Variants in UGT1A4 observed in about 807,000 individuals in gnomAD.
UGT1A4 encodes UDP glucuronosyltransferase family 1 member A4, also known as UDP-glucuronosyltransferase 1A4.
UGT1A4 carries 32 observed loss-of-function variants against 41.1 expected under a neutral mutation model. The ratio of observed to expected loss-of-function variants is 0.78; its 90% CI spans 0.59 to 1.05. The LOEUF (loss-of-function observed/expected upper bound fraction) is 1.05, where lower values mean the gene tolerates loss of function less well. Among genes scored for constraint, UGT1A4 ranks in the 50% least tolerant of loss-of-function variants. UGT1A4 has a pLI of 0.00. For synonymous variants in UGT1A4, 283 were observed against 265.1 expected (o/e 1.07, Z -0.66); for missense variants, 748 against 677.4 (o/e 1.10, Z -1.16).
intron 4 of UGT1A4, chr2:233,771,305 T>TC (rs1482676837): frequency 1.3e-5 from 2 of 152,218 alleles, no homozygotes. Context: ...TTCCTCCTCC[T>TC]TTTCCCTCTC....
chr2:233,724,239 G>A, intron 1 of UGT1A4, among the ~76,000 whole-genome samples: 1 of 128,664 alleles, frequency 7.8e-6, no homozygotes, highest in African/African-American at 3.1e-5. Context: ...GGGCGGCCGG[G>A]CAGAGGCGCC....
chr2:233,743,704 C>G, intron 1 of UGT1A4: 2 of 1,367,360 alleles, frequency 1.5e-6, no homozygotes, highest in Non-Finnish European at 2.0e-6. Context: ...CCTCCGCCCC[C>G]GCCTCGCCAT....
rs780981964 is a variant in UGT1A4 at position 233,719,063 on chromosome 2, T to C, written c.243T>C (p.Ala81=). The change falls in exon 1 of 5, where the codon GCT becomes GCC. Residue 81 remains alanine, a synonymous_variant. Transcript: ENST00000373409. ...EEKFFTLTAY[A]VPWTQKEFDR... ...AATTTTTCACCCTGACAGCCTATGC[T>C]GTTCCATGGACCCAGAAGGAATTTG... 1.1e-4 allele frequency: 178 copies of C among 1,614,270 alleles called. No homozygotes were observed. Among genetic ancestry groups the C allele is most frequent in the East Asian group, 3.6e-4 (16 of 44,890 alleles).
intron 1 of UGT1A4, chr2:233,760,308 C>A (rs780253764): frequency 4.3e-6 from 7 of 1,613,678 alleles, no homozygotes; most frequent in South Asian, 1.1e-5. Context: ...AGTCCCAGGG[C>A]GGACGCCCAC....
At position 233,719,514 on chromosome 2, in the gene UGT1A4, G is replaced by C. The variant is rs1307171724; in HGVS notation, c.694G>C (p.Ala232Pro). 6.2e-7 allele frequency: 1 copy of C among 1,613,804 alleles called. No homozygotes were observed. Among genetic ancestry groups the C allele is most frequent in the Non-Finnish European group, 8.5e-7 (1 of 1,179,872 alleles). Residue 232 changes from alanine (A) to proline (P), a missense_variant, in exon 1 of 5, where the codon GCA becomes CCA. Coordinates refer to ENST00000373409, the MANE Select transcript of UGT1A4 (RefSeq NM_007120.3). Reference sequence around the variant, plus strand: ...TTGCCATACTTTTTCTGCCCCTTATGCAAGTCTTGCCTCTGAGCTTTTTCA... The same window carrying C: ...TTGCCATACTTTTTCTGCCCCTTATCCAAGTCTTGCCTCTGAGCTTTTTCA... ...YICHTFSAPY[A>P]SLASELFQRE...
At position 233,719,697 on chromosome 2, in the gene UGT1A4, G is replaced by T. The variant is rs768448140; in HGVS notation, c.867+10G>T. ...GAAGCCACTATCTCAGGTCTGTATT[G>T]GTGCCTTCATCCAATCAATGTTCCA... On this transcript the variant is annotated intron_variant, in intron 1 of 4. Coordinates refer to ENST00000373409, the MANE Select transcript of UGT1A4 (RefSeq NM_007120.3). 1.2e-5 allele frequency: 19 copies of T among 1,613,928 alleles called. No homozygotes were observed. In the South Asian group the frequency reaches 1.9e-4, roughly 16 times the overall value.
intron 1 of UGT1A4, chr2:233,743,295 G>A (rs1319359883): frequency 1.8e-6 from 1 of 548,688 alleles, no homozygotes; most frequent in African/African-American, 2.0e-5. Flanking sequence ...CATTCTCAAT[G>A]ATTCTCTTGG....
At chr2:233,746,301 T>C (rs1399652161) in intron 1 of UGT1A4, among the ~76,000 whole-genome samples, 3 of 151,760 alleles carry the variant, frequency 2.0e-5, no homozygotes, top group African/African-American at 7.3e-5. Flanking sequence ...TTTGTTTCCC[T>C]TGGAGGGCCC....
chr2:233,739,944 C>T (rs937638963), intron 1 of UGT1A4, among the ~76,000 whole-genome samples: 6 of 151,864 alleles, frequency 4.0e-5, no homozygotes, highest in Admixed American at 3.3e-4. Flanking sequence ...AGGTTGGTAC[C>T]TGGTGGGAGC....
intron 1 of UGT1A4, chr2:233,747,653 T>C: frequency 6.3e-7 from 1 of 1,590,314 alleles, no homozygotes; most frequent in Non-Finnish European, 8.6e-7. Context: ...CTTCCTTCGA[T>C]GTGGTTTTAA....
chr2:233,729,548 T>G (rs1482576119), intron 1 of UGT1A4: 2 of 1,614,102 alleles, frequency 1.2e-6, no homozygotes, highest in African/African-American at 2.7e-5. Context: ...ATCAGGCACC[T>G]GAATGCTACT....
chr2:233,760,284 C>T lies in UGT1A4; in HGVS notation c.868-6750C>T, dbSNP rs752018052. On this transcript the variant is annotated intron_variant, in intron 1 of 4. Coordinates refer to ENST00000373409, the MANE Select transcript of UGT1A4 (RefSeq NM_007120.3). ...GGCGAACCTCTGGCAGGAGCAAAGG[C>T]GCCATGGCTGTGGAGTCCCAGGGCG... The T allele has an allele frequency of 5.6e-6, 9 of 1,612,882 alleles. No homozygotes were observed. Among genetic ancestry groups the T allele is most frequent in the Middle Eastern group, 1.9e-4 (1 of 5,180 alleles).
intron 2 of UGT1A4, 50 bp from the exon 3 acceptor site, chr2:233,767,799 T>A (rs1699488429): frequency 6.2e-7 from 1 of 1,614,032 alleles, no homozygotes. Context: ...ATTTGTTTTC[T>A]AATCATATTA....
intron 1 of UGT1A4, chr2:233,760,319 T>A (rs201984525): frequency 1.2e-6 from 2 of 1,614,040 alleles, no homozygotes; most frequent in Non-Finnish European, 1.7e-6. Flanking sequence ...GGACGCCCAC[T>A]TGTCCTGGGC....
At chr2:233,766,942 T>C (rs957269469) in intron 1 of UGT1A4, 92 bp from the exon 2 acceptor site, 13 of 1,596,398 alleles carry the variant, frequency 8.1e-6, no homozygotes, top group Non-Finnish European at 1.0e-5. Flanking sequence ...AATCATAGTC[T>C]TAAGAGGAAG....
chr2:233,757,975 AG>A (rs1275184498), intron 1 of UGT1A4, among the ~76,000 whole-genome samples: 1 of 152,126 alleles, frequency 6.6e-6, no homozygotes, highest in Non-Finnish European at 1.5e-5. Flanking sequence ...CTCAGCCCCT[AG>A]AGCACCATCC....
Position 233,719,325 on chromosome 2 carries a change from G to C in UGT1A4, c.505G>C (p.Ala169Pro), listed in dbSNP as rs771082212. The change falls in exon 1 of 5, where the codon GCT becomes CCT. Residue 169 changes from alanine to proline, a missense_variant. Ala to Pro is a conservative substitution (Grantham distance 27). Transcript: ENST00000373409. The part of the protein sequence containing the change: ...AVLAKYLSIP[A>P]VFFWRYIPCD... ...GCTGGCTAAGTACCTGTCGATTCCT[G>C]CTGTGTTTTTTTGGAGGTACATTCC... 1.9e-6 allele frequency: 3 copies of C among 1,613,936 alleles called. No homozygotes were observed. The highest frequency in any genetic ancestry group is 1.1e-5 in the South Asian group (1 of 91,068).
At chr2:233,743,583 A>C (rs1360653487) in intron 1 of UGT1A4, 5 of 1,367,304 alleles carry the variant, frequency 3.7e-6, no homozygotes, top group Non-Finnish European at 4.9e-6. Context: ...AAGAGGTCAA[A>C]GGAGAATGGG....
chr2:233,747,691 T>A, intron 1 of UGT1A4: 3 of 1,611,090 alleles, frequency 1.9e-6, no homozygotes, highest in Non-Finnish European at 2.5e-6. Context: ...TGTGGGGCAG[T>A]GCTGGCTAAG....
Sources: allele counts gnomAD v4.1 joint callset (sites outside exome capture counted in the v4.1 genomes callset), GRCh38; gene constraint gnomAD v4.1.1; transcripts MANE v1.5; gene names NCBI Gene and HGNC (gene_info 2026-07-23, HGNC 2026-07-21).